Variants in HTN3 observed in about 807,000 individuals in gnomAD.
The protein encoded by HTN3 is histatin-3.
A neutral mutation model predicts 10.6 loss-of-function variants in HTN3; 15 were observed. The ratio of observed to expected loss-of-function variants is 1.42; its 90% CI spans 0.95 to 2.18. The LOEUF (loss-of-function observed/expected upper bound fraction) is 2.18, where lower values mean the gene tolerates loss of function less well. Among genes scored for constraint, HTN3 ranks in the 30% most tolerant of loss-of-function variants. The probability of loss-of-function intolerance (pLI) is 0.00; values close to 1 mark genes in which losing one functional copy is unlikely to be tolerated. For synonymous variants in HTN3, 15 were observed against 16.9 expected (o/e 0.89, Z 0.27); for missense variants, 68 against 58.0 (o/e 1.17, Z -0.56).
intron 1 of HTN3, among the ~76,000 whole-genome samples, chr4:70,030,452 TA>T (rs1171344164): frequency 6.6e-6 from 1 of 152,100 alleles, no homozygotes; most frequent in African/African-American, 2.4e-5. Flanking sequence ...ATAGTGAGAC[TA>T]AAAATATTCT....
intron 2 of HTN3, 63 bp downstream of exon 2, chr4:70,030,854 T>C: frequency 2.5e-6 from 3 of 1,218,770 alleles, no homozygotes; most frequent in East Asian, 2.3e-5. Context: ...ATCTTTCTTA[T>C]TCCTTACGTT....
In HTN3 at chr4:70,033,213, A is replaced by C; in HGVS notation, c.149A>C (p.Asp50Ala). Reference protein sequence around the residue: ...HRGYRSNYLYDN With the variant: ...HRGYRSNYLYAN ...GGCTATAGATCAAATTATCTGTATG[A>C]CAATTGATATCTTCAGTAATCACGG... Residue 50 changes from aspartate (D) to alanine (A), a missense_variant, in exon 5 of 6, where the codon GAC becomes GCC. Physicochemically the swap from Asp to Ala is moderately radical, Grantham distance 126 (BLOSUM62 -2). Coordinates refer to ENST00000673563, the MANE Select transcript of HTN3 (RefSeq NM_000200.3). 1 of 1,591,638 alleles carries C rather than the reference A, an allele frequency of 6.3e-7. No individual in the cohort carries two copies. Among genetic ancestry groups the C allele is most frequent in the Non-Finnish European group, 8.6e-7 (1 of 1,163,288 alleles).
rs149362032 is a variant in HTN3, at chr4:70,033,083, T to A, written c.103-84T>A. ...TCATAACAACTTTAACAATCTAAGC[T>A]TTCAGTGACAGTTTTTGTGAAGCAT... On this transcript the variant is annotated intron_variant, in intron 4 of 5. Transcript: ENST00000673563. 6.5e-6 allele frequency: 6 copies of A among 928,336 alleles called. No individual in the cohort carries two copies. In the African/African-American group the frequency reaches 1.0e-4, roughly 16 times the overall value. The allele number at this position is 928,336 out of a possible 1,614,324, so 57.5% of individuals were successfully genotyped here. A position where few individuals can be genotyped will look rare whatever the true frequency, so the allele number is the denominator to read the frequency against.
chr4:70,028,944 ATTAC>A (rs1725309715), intron 1 of HTN3, among the ~76,000 whole-genome samples: 1 of 151,980 alleles, frequency 6.6e-6, no homozygotes, highest in Non-Finnish European at 1.5e-5. Flanking sequence ...AAACTATTTT[ATTAC>A]TTTTTCATTG....
chr4:70,034,967 A>G (rs1460412679), intron 5 of HTN3, among the ~76,000 whole-genome samples: 1 of 152,184 alleles, frequency 6.6e-6, no homozygotes, highest in Non-Finnish European at 1.5e-5. Context: ...CAAACAGCAC[A>G]TGCTTCACTC....
rs748329876 is a variant in HTN3, at chr4:70,033,150, C to T, written c.103-17C>T. The T allele has an allele frequency of 1.3e-6, 2 of 1,596,680 alleles. No homozygotes were observed. The highest frequency in any genetic ancestry group is 1.7e-6 in the Non-Finnish European group (2 of 1,167,490). On this transcript the variant is annotated splice_polypyrimidine_tract_variant and intron_variant, in intron 4 of 5. Coordinates refer to ENST00000673563, the MANE Select transcript of HTN3 (RefSeq NM_000200.3). Reference sequence around the variant, plus strand: ...TCTATTCTCTGCAATTTGCTCTCTCCTTTTGTGTGTATGCAGGAAAAGCAT... The same window carrying T: ...TCTATTCTCTGCAATTTGCTCTCTCTTTTTGTGTGTATGCAGGAAAAGCAT...
At chr4:70,034,488 C>G (rs548811848) in intron 5 of HTN3, 3 of 152,266 alleles carry the variant, frequency 2.0e-5, no homozygotes, top group African/African-American at 7.2e-5. Flanking sequence ...AAATGCAAAT[C>G]AAAACCACAG....
intron 2 of HTN3, 62 bp from the exon 3 acceptor site, chr4:70,031,917 C>T (rs907347918): frequency 1.7e-6 from 2 of 1,171,452 alleles, no homozygotes; most frequent in South Asian, 1.3e-5. Flanking sequence ...TCAATTTTTA[C>T]ACATATTCTT....
At chr4:70,031,878 C>T (rs1725389334) in intron 2 of HTN3, 101 bp from the exon 3 acceptor site, 2 of 795,350 alleles carry the variant, frequency 2.5e-6, no homozygotes, top group Non-Finnish European at 4.2e-6. Context: ...AGAATGCCTC[C>T]ATTCTATTTA....
Position 70,036,409 on chromosome 4 carries a change from ACTTCCCTTCC to A in HTN3, c.*177_*186del, listed in dbSNP as rs1253965977. On this transcript the variant is annotated 3_prime_UTR_variant, in exon 6 of 6. Transcript: ENST00000673563. ...TTTAGTGAATTCTGTGTTTCAGGAT[ACTTCCCTTCC>A]TAATTATCATTTGATTAGATACTTG... 1 of 152,166 alleles carries A rather than the reference ACTTCCCTTCC, an allele frequency of 6.6e-6. No individual in the cohort carries two copies. The highest frequency in any genetic ancestry group is 1.5e-5 in the Non-Finnish European group (1 of 68,024). 9.4% of individuals were successfully genotyped at this position (152,166 alleles called of 1,614,324 possible).
intron 4 of HTN3, among the ~76,000 whole-genome samples, 187 bp from the exon 5 acceptor site, chr4:70,032,980 C>A (rs943002611): frequency 1.3e-5 from 2 of 152,064 alleles, no homozygotes; most frequent in African/African-American, 4.8e-5. Context: ...ATCATTTTTA[C>A]TTGCTTTTAA....
chr4:70,033,259 C>T lies in HTN3; in HGVS notation c.*33+6C>T. ...CACGGGGCATGATTATGGAGGTAAGCTGACTCTAGTTACTTTTCTTTCTAG... is the reference window on the plus strand; with the variant it reads ...CACGGGGCATGATTATGGAGGTAAGTTGACTCTAGTTACTTTTCTTTCTAG... On this transcript the variant is annotated splice_donor_region_variant and intron_variant, in intron 5 of 5. Coordinates refer to ENST00000673563, the MANE Select transcript of HTN3 (RefSeq NM_000200.3). The T allele has an allele frequency of 5.5e-6, 7 of 1,283,434 alleles. No individual in the cohort carries two copies. The highest frequency in any genetic ancestry group is 1.3e-5 in the South Asian group (1 of 78,224). The allele number at this position is 1,283,434 out of a possible 1,614,324, so 79.5% of individuals were successfully genotyped here. A position where few individuals can be genotyped will look rare whatever the true frequency, so the allele number is the denominator to read the frequency against.
In HTN3 at chr4:70,030,395, G is replaced by A. The variant is rs117980970; in HGVS notation, c.-13-333G>A. ...GATCCAAGCATTTTGAAAGGCCAAG[G>A]CAGGAAGATTCCTAGAGCCCAGGAG... On this transcript the variant is annotated intron_variant, in intron 1 of 5. Coordinates refer to ENST00000673563, the MANE Select transcript of HTN3 (RefSeq NM_000200.3). Among the ~76,000 whole-genome samples, 156 of 152,234 alleles carry A rather than the reference G, an allele frequency of 1.0e-3. 3 individuals are homozygous for A. In the East Asian group the frequency reaches 0.027, roughly 26 times the overall value.
intron 5 of HTN3, among the ~76,000 whole-genome samples, chr4:70,035,570 C>T (rs893889927): frequency 3.9e-4 from 59 of 152,264 alleles, no homozygotes; most frequent in Non-Finnish European, 4.7e-4. Context: ...GCCTAAGTAA[C>T]TCTAATGAGC....
At chr4:70,030,882 T>A in intron 2 of HTN3, 91 bp downstream of exon 2, 1 of 955,814 alleles carries the variant, frequency 1.0e-6, no homozygotes, top group Non-Finnish European at 1.7e-6. Flanking sequence ...ATATTCATGT[T>A]CACCTCAATA....
At chr4:70,031,388 T>C (rs1725378434) in intron 2 of HTN3, 1 of 153,538 alleles carries the variant, frequency 6.5e-6, no homozygotes, top group African/African-American at 2.4e-5. Context: ...TACTTTCTCA[T>C]CCTCTTCCCA....
chr4:70,032,150 T>C, intron 4 of HTN3, 43 bp downstream of exon 4: 7 of 1,241,142 alleles, frequency 5.6e-6, no homozygotes, highest in Non-Finnish European at 8.1e-6. Context: ...TAAGTTTTCT[T>C]CTCTGACTAT....
chr4:70,033,394 G>A (rs7667935), intron 5 of HTN3, 141 bp downstream of exon 5: 8,318 of 533,156 alleles, frequency 0.016, 598 homozygotes, highest in African/African-American at 0.15. Flanking sequence ...GAAGTGTGTT[G>A]ATTTATATAG....
At chr4:70,031,020 A>C in intron 2 of HTN3, 1 of 379,338 alleles carries the variant, frequency 2.6e-6, no homozygotes, top group Non-Finnish European at 4.7e-6. Flanking sequence ...TAAAAATAAA[A>C]GAAAATTAAG....
Sources: allele counts gnomAD v4.1 joint callset (sites outside exome capture counted in the v4.1 genomes callset), GRCh38; gene constraint gnomAD v4.1.1; transcripts MANE v1.5; gene names NCBI Gene and HGNC (gene_info 2026-07-23, HGNC 2026-07-21).